CLMP: variants seen among roughly 807,000 people sequenced by gnomAD.
CLMP encodes the protein CXADR like cell adhesion molecule.
In CLMP, 27 loss-of-function variants were observed where a neutral mutation model predicts 45.2. The observed-to-expected ratio is 0.60, with a 90% CI of 0.44 to 0.82. The LOEUF (loss-of-function observed/expected upper bound fraction) is 0.82. Among genes scored for constraint, CLMP ranks in the 40% least tolerant of loss-of-function variants. The pLI, the probability that CLMP is intolerant of heterozygous loss-of-function variation, is 0.00. For synonymous variants in CLMP, 167 were observed against 171.4 expected, an observed-to-expected ratio of 0.97 and a Z score of 0.20; for missense variants, 403 against 448.4, an observed-to-expected ratio of 0.90 and a Z score of 0.91.
chr11:123,178,255 C>T (rs1179384476), intron 1 of CLMP, among the ~76,000 whole-genome samples: 3 of 152,196 alleles, frequency 2.0e-5, no homozygotes, highest in Non-Finnish European at 4.4e-5. Flanking sequence ...TACTCCTCTG[C>T]CCAGATTAGA....
chr11:123,071,705 C>T lies in CLMP; in HGVS notation c.*1769G>A, dbSNP rs1340864178. The T allele has an allele frequency of 1.3e-5, 2 of 152,218 alleles. No homozygotes were observed. The highest frequency in any genetic ancestry group is 2.9e-5 in the Non-Finnish European group (2 of 68,220). The allele number at this position is 152,218 out of a possible 1,614,324, so 9.4% of individuals were successfully genotyped here. ...TGCCACTGCACTCCAGCCTGGGCAACAGAGCGAGACTTCGTCTCAAAAAAA... is the reference window on the plus strand; with the variant it reads ...TGCCACTGCACTCCAGCCTGGGCAATAGAGCGAGACTTCGTCTCAAAAAAA... On this transcript the variant is annotated 3_prime_UTR_variant, in exon 7 of 7. Transcript: ENST00000448775.
intron 1 of CLMP, among the ~76,000 whole-genome samples, chr11:123,132,076 A>C (rs1048158967): frequency 1.3e-5 from 2 of 152,248 alleles, no homozygotes; most frequent in Non-Finnish European, 2.9e-5. Context: ...GAAAGTAATA[A>C]TCTTTGCGGG....
At chr11:123,127,709 A>AT (rs1860917327) in intron 1 of CLMP, among the ~76,000 whole-genome samples, 1 of 152,152 alleles carries the variant, frequency 6.6e-6, no homozygotes, top group East Asian at 1.9e-4. Flanking sequence ...ACATGCAATC[A>AT]TCCCTTAACA....
At chr11:123,137,147 C>CTTTTTTT (rs375816483) in intron 1 of CLMP, among the ~76,000 whole-genome samples, 1,020 of 82,552 alleles carry the variant, frequency 0.012, 4 homozygotes, top group Non-Finnish European at 0.016. Context: ...TTTTCTTTTT[C>CTTTTTTT]TTTTTTTTTT....
At chr11:123,137,614 C>A (rs1861095669) in intron 1 of CLMP, among the ~76,000 whole-genome samples, 2 of 152,032 alleles carry the variant, frequency 1.3e-5, no homozygotes, top group South Asian at 4.1e-4. Flanking sequence ...GAGCAGGCTG[C>A]AGGCTGCCTG....
rs189686092 is a variant in CLMP, at chr11:123,189,086, C to T, written c.28+5827G>A. ...TTAGAAGGAACACTAGTAATCCATA[C>T]ATGATGTGTGTAGAAGTAGTTCTCA... On this transcript the variant is annotated intron_variant, in intron 1 of 6. Transcript: ENST00000448775. 7 of 152,344 alleles carry T rather than the reference C, an allele frequency of 4.6e-5. 1 individual carries two copies. The highest frequency in any genetic ancestry group is 3.3e-4 in the Admixed American group (5 of 15,302). The allele number at this position is 152,344 out of a possible 1,614,324, so 9.4% of individuals were successfully genotyped here. A position where few individuals can be genotyped will look rare whatever the true frequency, so the allele number is the denominator to read the frequency against.
intron 1 of CLMP, among the ~76,000 whole-genome samples, chr11:123,139,178 C>T (rs1861120334): frequency 6.6e-6 from 1 of 151,968 alleles, no homozygotes; most frequent in Non-Finnish European, 1.5e-5. Context: ...AAAATATTTA[C>T]TCTGCGGTCC....
In CLMP at chr11:123,071,643, G is replaced by C. The variant is rs1465643751; in HGVS notation, c.*1831C>G. 1 of 151,980 alleles carries C rather than the reference G, an allele frequency of 6.6e-6. No individual in the cohort carries two copies. The highest frequency in any genetic ancestry group is 2.4e-5 in the African/African-American group (1 of 41,368). The allele number at this position is 151,980 out of a possible 1,614,324, so 9.4% of individuals were successfully genotyped here. A position where few individuals can be genotyped will look rare whatever the true frequency, so the allele number is the denominator to read the frequency against. On this transcript the variant is annotated 3_prime_UTR_variant, in exon 7 of 7. Transcript: ENST00000448775. ...GGAGGACAAGGCAGGAGAATCACTT[G>C]AACCCAAGAGGCGGACGCTGCAGTG...
At chr11:123,169,023 G>C (rs1021845905) in intron 1 of CLMP, among the ~76,000 whole-genome samples, 2 of 152,150 alleles carry the variant, frequency 1.3e-5, no homozygotes, top group African/African-American at 4.8e-5. Context: ...GAGAGGGAGG[G>C]ACAGAACAAA....
At chr11:123,157,978 C>T (rs1861437912) in intron 1 of CLMP, among the ~76,000 whole-genome samples, 1 of 151,978 alleles carries the variant, frequency 6.6e-6, no homozygotes, top group South Asian at 2.1e-4. Context: ...TTATTTTTTT[C>T]CTGCTGCTTC....
intron 2 of CLMP, among the ~76,000 whole-genome samples, chr11:123,097,085 C>T (rs1865999522): frequency 6.6e-6 from 1 of 152,108 alleles, no homozygotes; most frequent in South Asian, 2.1e-4. Flanking sequence ...CTCCTGGGCT[C>T]AAGCAGTTCA....
chr11:123,114,836 G>T (rs984286854), intron 1 of CLMP, among the ~76,000 whole-genome samples: 3 of 152,082 alleles, frequency 2.0e-5, no homozygotes, highest in Non-Finnish European at 2.9e-5. Flanking sequence ...TCTACAGACA[G>T]ATACTGAAAT....
chr11:123,099,645 G>A (rs1046010709), intron 1 of CLMP, among the ~76,000 whole-genome samples: 1 of 152,152 alleles, frequency 6.6e-6, no homozygotes, highest in Non-Finnish European at 1.5e-5. Context: ...AAGGTGTTGA[G>A]ATGTTGGGGG....
intron 1 of CLMP, among the ~76,000 whole-genome samples, chr11:123,159,343 C>T (rs959385495): frequency 3.9e-5 from 6 of 152,122 alleles, no homozygotes; most frequent in Admixed American, 6.5e-5. Context: ...GCGCTTGGCC[C>T]GGCGATGGGG....
rs895387118 is a variant in CLMP, at chr11:123,195,089, C to CCA, written c.-150_-149insTG. 4 of 546,168 alleles carry CCA rather than the reference C, an allele frequency of 7.3e-6. No homozygotes were observed. The highest frequency in any genetic ancestry group is 5.9e-5 in the African/African-American group (3 of 50,870). The allele number at this position is 546,168 out of a possible 1,614,324, so 33.8% of individuals were successfully genotyped here. On this transcript the variant is annotated 5_prime_UTR_variant, in exon 1 of 7. Coordinates refer to ENST00000448775, the MANE Select transcript of CLMP (RefSeq NM_024769.5). ...AGCCATGTGCCGGGCGGGAGCCGGC[C>CCA]CCGCGCCCCGTGCCCCTGGGGGCAG...
intron 2 of CLMP, among the ~76,000 whole-genome samples, chr11:123,092,966 G>A (rs150581501): frequency 6.7e-5 from 10 of 150,026 alleles, no homozygotes; most frequent in African/African-American, 1.7e-4. Flanking sequence ...GGAGTGCAGC[G>A]GTATGATCTC....
At chr11:123,168,487 T>C (rs1861588980) in intron 1 of CLMP, among the ~76,000 whole-genome samples, 1 of 152,212 alleles carries the variant, frequency 6.6e-6, no homozygotes, top group South Asian at 2.1e-4. Flanking sequence ...GAGGCAGGGA[T>C]ATTCACGGGG....
intron 1 of CLMP, among the ~76,000 whole-genome samples, chr11:123,156,693 A>T (rs1336160500): frequency 6.6e-6 from 1 of 152,140 alleles, no homozygotes; most frequent in African/African-American, 2.4e-5. Context: ...TTCTTCTTTC[A>T]GCTATACAAA....
intron 1 of CLMP, among the ~76,000 whole-genome samples, chr11:123,190,423 T>A (rs1171794897): frequency 1.3e-5 from 2 of 152,134 alleles, no homozygotes; most frequent in Non-Finnish European, 2.9e-5. Context: ...TTAAAAAAAA[T>A]TCAGAGAATG....
Sources: allele counts gnomAD v4.1 joint callset (sites outside exome capture counted in the v4.1 genomes callset), GRCh38; gene constraint gnomAD v4.1.1; transcripts MANE v1.5; gene names NCBI Gene and HGNC (gene_info 2026-07-23, HGNC 2026-07-21).